The following ITPK1 variants were observed in gnomAD, a reference collection of about 807,000 sequenced individuals.
The protein encoded by ITPK1 is inositol-tetrakisphosphate 1-kinase.
A neutral mutation model predicts 45.3 loss-of-function variants in ITPK1; 21 were observed. The observed-to-expected ratio is 0.46, with a 90% CI of 0.33 to 0.67. ITPK1 has a LOEUF of 0.67. ITPK1 is among the 30% of genes least tolerant of loss of function. The probability of loss-of-function intolerance (pLI) is 0.02; values close to 1 mark genes in which losing one functional copy is unlikely to be tolerated. For missense variants in ITPK1, 474 were observed against 573.5 expected (o/e 0.83, Z 1.77); for synonymous variants, 258 against 253.6 (o/e 1.02, Z -0.16).
chr14:92,941,779 C>T lies in ITPK1; in HGVS notation c.1027G>A (p.Ala343Thr), dbSNP rs917945410. ...CCCACCAGGCCGCCCGCCGGCTCGG[C>T]CAGAAGCTTGCTGTGCCTCAGCAGG... ...VALLRHSKLL[A>T]EPAGGLVGER... is the part of the protein sequence containing the mutation. Residue 343 changes from alanine (A) to threonine (T), a missense_variant, in exon 11 of 11, where the codon GCC (alanine) becomes ACC (threonine). Physicochemically the swap from Ala to Thr is moderately conservative, Grantham distance 58. Around this residue, in one of 2 missense-constraint regions of ITPK1, gnomAD observed 367 missense variants for 480.6 expected, o/e 0.76. Coordinates refer to ENST00000267615, the MANE Select transcript of ITPK1 (RefSeq NM_014216.6). The T allele has an allele frequency of 1.9e-6, 3 of 1,609,446 alleles. No individual in the cohort carries two copies. The highest frequency in any genetic ancestry group is 2.5e-6 in the Non-Finnish European group (3 of 1,178,974).
In ITPK1 at chr14:93,017,551, G is replaced by A. The variant is rs554713897; in HGVS notation, c.121-750C>T. Among the ~76,000 whole-genome samples the A allele has an allele frequency of 3.9e-5, 6 of 152,352 alleles. No homozygotes were observed. The East Asian group carries it at 7.7e-4, about 20-fold the overall frequency. ...ACCTGACCCCAAGACAGGAGCACCT[G>A]CCAAAAGCCAGGGCAGCCTGACCCC... is the stretch of plus-strand genomic sequence containing the variant. On this transcript the variant is annotated intron_variant, in intron 3 of 10. Coordinates refer to ENST00000267615, the MANE Select transcript of ITPK1 (RefSeq NM_014216.6).
At chr14:93,026,725 C>A (rs1012489791) in intron 3 of ITPK1, among the ~76,000 whole-genome samples, 14 of 152,188 alleles carry the variant, frequency 9.2e-5, no homozygotes, top group African/African-American at 3.4e-4. Flanking sequence ...CAAGAAGGGA[C>A]TGAATCACTT....
intron 4 of ITPK1, among the ~76,000 whole-genome samples, chr14:92,996,759 T>C (rs943818718): frequency 6.6e-6 from 1 of 152,106 alleles, no homozygotes; most frequent in Non-Finnish European, 1.5e-5. Context: ...TTGGCTGTCC[T>C]CACTCCCTTC....
intron 8 of ITPK1, among the ~76,000 whole-genome samples, chr14:92,956,987 C>A (rs1884769691): frequency 6.6e-6 from 1 of 152,138 alleles, no homozygotes; most frequent in Admixed American, 6.5e-5. Flanking sequence ...CACCTGCCCT[C>A]GGAGGAAAAT....
rs988433944 is a variant in ITPK1, at chr14:93,012,733, C to T, written c.246+3943G>A. Among the ~76,000 whole-genome samples, 1 of 152,308 alleles carries T rather than the reference C, an allele frequency of 6.6e-6. No individual in the cohort carries two copies. Among genetic ancestry groups the T allele is most frequent in the East Asian group, 1.9e-4 (1 of 5,186 alleles). ...TGCAGACCGGGAATTCAGGGGACAT[C>T]TGAGGGACAATTACCGTCCTTCCAG... On this transcript the variant is annotated intron_variant, in intron 4 of 10. Coordinates refer to ENST00000267615, the MANE Select transcript of ITPK1 (RefSeq NM_014216.6). The surrounding 1 kb of genome is among the most constrained non-coding windows in gnomAD (Gnocchi z 4.9).
Position 93,036,420 on chromosome 14 carries a change from C to T in ITPK1, c.121-19619G>A, listed in dbSNP as rs961901110. ...GAGAGAACAAATGTGACAGGCTCCTCAGTATTCACGGCTGCTTTCCCGCAC... is the reference window on the plus strand; with the variant it reads ...GAGAGAACAAATGTGACAGGCTCCTTAGTATTCACGGCTGCTTTCCCGCAC... On this transcript the variant is annotated intron_variant, in intron 3 of 10. Transcript: ENST00000267615. The surrounding 1 kb of genome is among the most constrained non-coding windows in gnomAD (Gnocchi z 4.1). Among the ~76,000 whole-genome samples, 5 of 152,206 alleles carry T rather than the reference C, an allele frequency of 3.3e-5. No homozygotes were observed. The highest frequency in any genetic ancestry group is 7.4e-5 in the Non-Finnish European group (5 of 68,020).
intron 3 of ITPK1, among the ~76,000 whole-genome samples, chr14:93,049,757 G>A (rs183220363): frequency 8.2e-6 from 1 of 122,696 alleles, no homozygotes; most frequent in Admixed American, 8.7e-5. Flanking sequence ...GGACGGGGGT[G>A]GGGGGTGGGT....
rs768653974 is a variant in ITPK1, at chr14:92,941,776, C to A, written c.1030G>T (p.Glu344Ter). 6.2e-7 allele frequency: 1 copy of A among 1,608,384 alleles called. No homozygotes were observed. The highest frequency in any genetic ancestry group is 1.3e-5 in the African/African-American group (1 of 74,870). ...ALLRHSKLLA[E>*]PAGGLVGERT... ...TCGCCCACCAGGCCGCCCGCCGGCT[C>A]GGCCAGAAGCTTGCTGTGCCTCAGC... Residue 344 changes from glutamate (E) to a stop codon, truncating the protein, a stop_gained, in exon 11 of 11, where the codon GAG becomes TAG. Coordinates refer to ENST00000267615, the MANE Select transcript of ITPK1 (RefSeq NM_014216.6). LOFTEE classifies it high-confidence loss of function.
Position 92,941,672 on chromosome 14 carries a change from C to G in ITPK1, c.1134G>C (p.Ala378=), listed in dbSNP as rs563090061. The G allele has an allele frequency of 3.2e-6, 5 of 1,541,490 alleles. No individual in the cohort carries two copies. In the South Asian group the frequency reaches 5.9e-5, roughly 18 times the overall value. ...GGTGCGGCAGCTTGGCGGTGCCGCCCGCGTCGGCCTCAGCCTTCCAGGGCG... is the reference window on the plus strand; with the variant it reads ...GGTGCGGCAGCTTGGCGGTGCCGCCGGCGTCGGCCTCAGCCTTCCAGGGCG... The part of the protein sequence containing the change: ...QDAPWKAEAD[A]GGTAKLPHQR... The change falls in exon 11 of 11, where the codon GCG becomes GCC. Residue 378 remains alanine, a synonymous_variant. Transcript: ENST00000267615.
At chr14:93,042,030 A>G (rs2044983539) in intron 3 of ITPK1, among the ~76,000 whole-genome samples, 1 of 152,172 alleles carries the variant, frequency 6.6e-6, no homozygotes, top group Non-Finnish European at 1.5e-5. Context: ...ACCGCCTACC[A>G]CACAGCTGCC....
At chr14:93,017,405 C>T (rs1231215727) in intron 3 of ITPK1, among the ~76,000 whole-genome samples, 1 of 152,240 alleles carries the variant, frequency 6.6e-6, no homozygotes, top group Admixed American at 6.5e-5. Flanking sequence ...GTAGGGCTGC[C>T]TGCAATCTGT....
intron 3 of ITPK1, among the ~76,000 whole-genome samples, chr14:93,048,218 T>C (rs977342433): frequency 6.6e-6 from 1 of 152,190 alleles, no homozygotes; most frequent in Non-Finnish European, 1.5e-5. Flanking sequence ...ACATCGATGG[T>C]AGTAACACTC....
At position 92,941,494 on chromosome 14, in the gene ITPK1, T is replaced by C. The variant is rs540854458; in HGVS notation, c.*67A>G. On this transcript the variant is annotated 3_prime_UTR_variant, in exon 11 of 11. Coordinates refer to ENST00000267615, the MANE Select transcript of ITPK1 (RefSeq NM_014216.6). Reference sequence around the variant, plus strand: ...GGATTCTTAGTAGTAGCATCGCCGTTGGGAGCTGCTGGCCCAGCGGGTGTG... The same window carrying C: ...GGATTCTTAGTAGTAGCATCGCCGTCGGGAGCTGCTGGCCCAGCGGGTGTG... 5.4e-5 allele frequency: 78 copies of C among 1,452,904 alleles called. No individual in the cohort carries two copies. The South Asian group carries it at 1.0e-3, about 19-fold the overall frequency. 90.0% of individuals were successfully genotyped at this position (1,452,904 alleles called of 1,614,324 possible). A position where few individuals can be genotyped will look rare whatever the true frequency, so the allele number is the denominator to read the frequency against.
intron 3 of ITPK1, among the ~76,000 whole-genome samples, chr14:93,051,032 G>A (rs555005440): frequency 2.4e-4 from 36 of 152,246 alleles, no homozygotes; most frequent in Admixed American, 9.1e-4. Flanking sequence ...TGTGCCCAGT[G>A]CTCAGCACAG....
intron 3 of ITPK1, among the ~76,000 whole-genome samples, chr14:93,048,034 T>G (rs952899134): frequency 1.3e-5 from 2 of 152,248 alleles, no homozygotes; most frequent in African/African-American, 2.4e-5. Flanking sequence ...ATAAATTCTA[T>G]TTATTGACAT....
rs956316059 is a variant in ITPK1 at position 92,940,296 on chromosome 14, C to T, written c.*1265G>A. On this transcript the variant is annotated 3_prime_UTR_variant, in exon 11 of 11. Transcript: ENST00000267615. The stretch of plus-strand genomic sequence containing the variant: ...AACATACTTGTGGGGGCTGATGCCT[C>T]TCACCCAGCACCCCACATCTTCCAG... The T allele has an allele frequency of 3.0e-6, 3 of 989,468 alleles. No individual in the cohort carries two copies. The highest frequency in any genetic ancestry group is 3.5e-5 in the African/African-American group (2 of 57,272). The allele number at this position is 989,468 out of a possible 1,614,324, so 61.3% of individuals were successfully genotyped here. A position where few individuals can be genotyped will look rare whatever the true frequency, so the allele number is the denominator to read the frequency against.
chr14:93,113,737 T>C (rs993435557), intron 2 of ITPK1, among the ~76,000 whole-genome samples: 1 of 152,244 alleles, frequency 6.6e-6, no homozygotes, highest in Admixed American at 6.5e-5. Flanking sequence ...CCACTCTGCA[T>C]GCCCTATTGA....
At chr14:93,040,503 T>C (rs529309860) in intron 3 of ITPK1, among the ~76,000 whole-genome samples, 23 of 152,280 alleles carry the variant, frequency 1.5e-4, no homozygotes, top group South Asian at 6.2e-4. Context: ...GCCACACCGC[T>C]TGGCCCAACA....
At chr14:93,042,028 C>G (rs901166395) in intron 3 of ITPK1, among the ~76,000 whole-genome samples, 1 of 152,216 alleles carries the variant, frequency 6.6e-6, no homozygotes, top group Non-Finnish European at 1.5e-5. Context: ...TGACCGCCTA[C>G]CACACAGCTG....
Sources: gnomAD v4.1 joint callset for allele counts (sites outside exome capture counted in the v4.1 genomes callset) on GRCh38, gnomAD v4.1.1 for gene constraint, gnomAD v4.1.1 regional missense constraint, Gnocchi (gnomAD v3.1) non-coding constraint, MANE v1.5 for transcripts, NCBI Gene and HGNC (gene_info 2026-07-23, HGNC 2026-07-21) for gene names.